The following PP2D1 variants were observed in gnomAD, a reference collection of about 807,000 sequenced individuals.
PP2D1 encodes protein phosphatase 2C-like domain-containing protein 1.
In PP2D1, 25 loss-of-function variants were observed where a neutral mutation model predicts 30.2. The ratio of observed to expected loss-of-function variants is 0.83; its 90% CI spans 0.60 to 1.16. PP2D1 has a LOEUF of 1.16. Ranked by LOEUF, PP2D1 falls within the 50% of genes most tolerant of loss-of-function variation. The pLI is 0.00. For missense variants in PP2D1, 760 were observed against 742.4 expected (o/e 1.02, Z -0.28); for synonymous variants, 260 against 258.9 (o/e 1.00, Z -0.04).
At chr3:20,011,085 C>G (rs917132091) in intron 1 of PP2D1, among the ~76,000 whole-genome samples, 2 of 151,956 alleles carry the variant, frequency 1.3e-5, no homozygotes, top group Non-Finnish European at 2.9e-5. Context: ...AGAAAATGAC[C>G]TAGGAAAACT....
At chr3:19,997,879 C>T (rs1233994391) in intron 2 of PP2D1, among the ~76,000 whole-genome samples, 4 of 151,830 alleles carry the variant, frequency 2.6e-5, no homozygotes, top group Non-Finnish European at 5.9e-5. Context: ...CGGGGCAGGA[C>T]GAGATAAAGT....
chr3:19,999,107 G>T (rs1349070749), intron 2 of PP2D1, among the ~76,000 whole-genome samples: 1 of 144,012 alleles, frequency 6.9e-6, no homozygotes, highest in Non-Finnish European at 1.5e-5. Flanking sequence ...TTGAGACAGA[G>T]TCCTGCTCTG....
In PP2D1 at chr3:20,001,907, G is replaced by A. The variant is rs1050677653; in HGVS notation, c.213C>T (p.His71=). The A allele has an allele frequency of 9.8e-6, 15 of 1,536,240 alleles. No individual in the cohort carries two copies. In the Admixed American group the frequency reaches 9.8e-5, roughly 10 times the overall value. Residue 71 remains histidine, a synonymous_variant, in exon 2 of 3, where the codon CAC becomes CAT. Coordinates refer to ENST00000389050, the MANE Select transcript of PP2D1 (RefSeq NM_001252657.2). ...GAAAAATACCAGTTAGGTCAATTTC[G>A]TGCTTGCATATGGAACAGGGTAATG... ...GTTLPCSICK[H]EIDLTGIFLH... is the part of the protein sequence containing the mutation.
chr3:20,010,795 T>C (rs1276615696), intron 1 of PP2D1, among the ~76,000 whole-genome samples: 1 of 151,362 alleles, frequency 6.6e-6, no homozygotes, highest in African/African-American at 2.4e-5. Flanking sequence ...AGAGCGAAAC[T>C]CCATCTCAGA....
In PP2D1 at chr3:20,001,016, T is replaced by C. The variant is rs1223182761; in HGVS notation, c.1090+14A>G. The C allele has an allele frequency of 1.5e-6, 2 of 1,318,728 alleles. No homozygotes were observed. Among genetic ancestry groups the C allele is most frequent in the Non-Finnish European group, 1.9e-6 (2 of 1,028,860 alleles). The allele number at this position is 1,318,728 out of a possible 1,614,324, so 81.7% of individuals were successfully genotyped here. A position where few individuals can be genotyped will look rare whatever the true frequency, so the allele number is the denominator to read the frequency against. On this transcript the variant is annotated intron_variant, in intron 2 of 2. Coordinates refer to ENST00000389050, the MANE Select transcript of PP2D1 (RefSeq NM_001252657.2). ...AACATAAAGGTGTTATTTGGTGCTA[T>C]TCAATGTACATACCAGTGTTTGCAA...
At chr3:19,999,324 C>T (rs1202944424) in intron 2 of PP2D1, among the ~76,000 whole-genome samples, 3 of 152,082 alleles carry the variant, frequency 2.0e-5, no homozygotes, top group African/African-American at 7.2e-5. Flanking sequence ...GTGATCCACC[C>T]GCCTTGGCCT....
downstream of PP2D1, chr3:19,985,226 A>G (rs748459998): frequency 3.9e-5 from 24 of 617,082 alleles, no homozygotes; most frequent in Non-Finnish European, 6.2e-5. Context: ...GTGAATATAT[A>G]TAAATGATAC....
At chr3:20,010,111 T>A (rs1377064557) in intron 1 of PP2D1, among the ~76,000 whole-genome samples, 1 of 152,154 alleles carries the variant, frequency 6.6e-6, no homozygotes, top group Admixed American at 6.5e-5. Flanking sequence ...TATTTTATTT[T>A]ATTTGAGGTG....
intron 2 of PP2D1, among the ~76,000 whole-genome samples, chr3:19,998,887 A>G (rs1197699981): frequency 6.6e-6 from 1 of 152,176 alleles, no homozygotes; most frequent in Non-Finnish European, 1.5e-5. Flanking sequence ...TCTTTCTTAC[A>G]GAAGTACTTT....
At chr3:19,980,223 T>C (rs1348065854) in intron 3 of PP2D1, 1 of 152,216 alleles carries the variant, frequency 6.6e-6, no homozygotes, top group Non-Finnish European at 1.5e-5. Context: ...CAAATCAGCC[T>C]GCACTGTAAA....
intron 2 of PP2D1, among the ~76,000 whole-genome samples, chr3:19,987,808 A>C (rs960095574): frequency 3.3e-5 from 5 of 152,242 alleles, no homozygotes; most frequent in Non-Finnish European, 7.3e-5. Context: ...GAACAGAGGG[A>C]CTGGCTGAAG....
chr3:19,982,859 G>A (rs1453426269), downstream of PP2D1, among the ~76,000 whole-genome samples: 8 of 152,112 alleles, frequency 5.3e-5, no homozygotes, highest in Non-Finnish European at 1.5e-5. Flanking sequence ...ATCACAATTC[G>A]GGGTGATAAT....
At chr3:20,011,951 GT>G in intron 1 of PP2D1, 98 bp downstream of exon 1, 1 of 915,838 alleles carries the variant, frequency 1.1e-6, no homozygotes, top group Non-Finnish European at 1.7e-6. Context: ...GGAAGCCAAG[GT>G]TTCATCTGAT....
At chr3:20,008,770 TA>T (rs1028214198) in intron 1 of PP2D1, among the ~76,000 whole-genome samples, 73 of 152,160 alleles carry the variant, frequency 4.8e-4, no homozygotes, top group African/African-American at 1.8e-3. Context: ...AAAATTCATT[TA>T]CTAACTGTAT....
chr3:19,985,297 G>T (rs1697011378), downstream of PP2D1: 3 of 907,242 alleles, frequency 3.3e-6, no homozygotes, highest in Non-Finnish European at 4.9e-6. Flanking sequence ...TATTTGCATG[G>T]TATTGATGAA....
At chr3:19,990,620 T>G (rs1697107082) in intron 2 of PP2D1, among the ~76,000 whole-genome samples, 1 of 152,224 alleles carries the variant, frequency 6.6e-6, no homozygotes, top group Non-Finnish European at 1.5e-5. Context: ...GTCAATAGTT[T>G]CATTTTGTAA....
chr3:20,007,768 C>CA (rs771502856), intron 1 of PP2D1: 7,871 of 76,052 alleles, frequency 0.1, 466 homozygotes, highest in African/African-American at 0.19. Context: ...AAATCCGTCT[C>CA]AAAAAAAAAA....
chr3:20,003,844 C>T (rs1697285332), intron 1 of PP2D1, among the ~76,000 whole-genome samples: 1 of 151,900 alleles, frequency 6.6e-6, no homozygotes, highest in Non-Finnish European at 1.5e-5. Flanking sequence ...GGATATGAAG[C>T]AAGTACTTTT....
In PP2D1 at chr3:19,985,373, T is replaced by A. The variant is rs1298080161; in HGVS notation, c.*7A>T. ...TTGGTGCTCTGGATAATTGGAACTT[T>A]ATTTTTTTATGTCAGAAGCTGATAT... is the stretch of plus-strand genomic sequence containing the variant. On this transcript the variant is annotated 3_prime_UTR_variant, in exon 3 of 3. Transcript: ENST00000389050. The A allele has an allele frequency of 2.0e-6, 3 of 1,513,638 alleles. No homozygotes were observed. The highest frequency in any genetic ancestry group is 2.5e-5 in the East Asian group (1 of 40,684). 93.8% of individuals were successfully genotyped at this position (1,513,638 alleles called of 1,614,324 possible). A position where few individuals can be genotyped will look rare whatever the true frequency, so the allele number is the denominator to read the frequency against.
Sources: allele counts gnomAD v4.1 joint callset (sites outside exome capture counted in the v4.1 genomes callset), GRCh38; gene constraint gnomAD v4.1.1; transcripts MANE v1.5; gene names NCBI Gene and HGNC (gene_info 2026-07-23, HGNC 2026-07-21).